Variants in DGKI observed in about 807,000 individuals in gnomAD.
DGKI encodes the protein diacylglycerol kinase iota, also known as DAG kinase iota.
Under a neutral mutation model 147.5 loss-of-function variants are expected in DGKI, and 55 were observed. The observed-to-expected ratio is 0.37, with a 90% CI of 0.30 to 0.47. DGKI has a LOEUF of 0.47. Ranked by LOEUF, DGKI falls within the 20% of genes least tolerant of loss-of-function variation. DGKI has a pLI of 1.00. For missense variants in DGKI, 1,007 were observed against 1,323.8 expected (o/e 0.76, Z 3.71); for synonymous variants, 469 against 477.1 (o/e 0.98, Z 0.22).
In DGKI at chr7:137,802,765, G is replaced by A. The variant is rs193121030; in HGVS notation, c.401+43697C>T. 8.5e-5 allele frequency among the ~76,000 whole-genome samples: 13 copies of A among 152,292 alleles called. No homozygotes were observed. In the East Asian group the frequency reaches 2.5e-3, roughly 29 times the overall value. ...CTCCTCGAACTTCTTCCCTTGCTGG[G>A]AAGCTGTTCATCTCTGAGTCAGAGA... On this transcript the variant is annotated intron_variant, in intron 1 of 32. Transcript: ENST00000614521.
chr7:137,846,455 C>A lies in DGKI; in HGVS notation c.401+7G>T, dbSNP rs770558874. 1.1e-5 allele frequency: 17 copies of A among 1,583,930 alleles called. No individual in the cohort carries two copies. Among genetic ancestry groups the A allele is most frequent in the African/African-American group, 2.7e-5 (2 of 73,366 alleles). Reference sequence around the variant, plus strand: ...ACCTGTCTCGGCTGCCGGCTCCCCGCACCTACCTGTACGAGACCTGCTTCC... The same window carrying A: ...ACCTGTCTCGGCTGCCGGCTCCCCGAACCTACCTGTACGAGACCTGCTTCC... On this transcript the variant is annotated splice_region_variant and intron_variant, in intron 1 of 32. Coordinates refer to ENST00000614521, the MANE Select transcript of DGKI (RefSeq NM_001321708.2). The surrounding 1 kb of genome is among the most constrained non-coding windows in gnomAD (Gnocchi z 4.0).
chr7:137,598,006 G>A (rs139303923), intron 11 of DGKI, 99 bp from the exon 12 acceptor site: 12 of 1,016,076 alleles, frequency 1.2e-5, no homozygotes, highest in Middle Eastern at 4.4e-4. Flanking sequence ...GGTGGTGTCC[G>A]CTGGAGAAAA....
At chr7:137,800,193 C>T (rs1797155003) in intron 1 of DGKI, among the ~76,000 whole-genome samples, 1 of 152,144 alleles carries the variant, frequency 6.6e-6, no homozygotes, top group Non-Finnish European at 1.5e-5. Flanking sequence ...CCTACTACAT[C>T]CTTAGAACAA....
At chr7:137,436,136 T>C (rs963307594) in intron 28 of DGKI, among the ~76,000 whole-genome samples, 1 of 152,168 alleles carries the variant, frequency 6.6e-6, no homozygotes, top group African/African-American at 2.4e-5. Flanking sequence ...ATTATCTTCC[T>C]ACTTGTGATA....
At position 137,540,780 on chromosome 7, in the gene DGKI, AAAAAAAAAC is replaced by A. The variant is rs1817669584; in HGVS notation, c.2147+11580_2147+11588del. On this transcript the variant is annotated intron_variant, in intron 20 of 32. Coordinates refer to ENST00000614521, the MANE Select transcript of DGKI (RefSeq NM_001321708.2). ...ACCCCCCCAAAAAAAAAAAAAAAAA[AAAAAAAAAC>A]ATTTACAATGGCTCCAAAAACATGA... Among the ~76,000 whole-genome samples, 121 of 150,910 alleles carry A rather than the reference AAAAAAAAAC, an allele frequency of 8.0e-4. 6 individuals carry two copies. The highest frequency in any genetic ancestry group is 6.9e-3 in the Middle Eastern group (2 of 290).
At chr7:137,519,068 CA>C in intron 21 of DGKI, among the ~76,000 whole-genome samples, 1 of 152,048 alleles carries the variant, frequency 6.6e-6, no homozygotes, top group Non-Finnish European at 1.5e-5. Context: ...TAGTGTCTTA[CA>C]TAAGTCTGAA....
chr7:137,696,431 CTTTTTTTTTTT>C lies in DGKI; in HGVS notation c.402-6440_402-6430del, dbSNP rs10609322. ...GTAAATAAATGCAATGCCCAAAAGA[CTTTTTTTTTTT>C]TTTTTTTTTTTTTTTTTTTTTGCTT... is the stretch of plus-strand genomic sequence containing the variant. On this transcript the variant is annotated intron_variant, in intron 1 of 32. Coordinates refer to ENST00000614521, the MANE Select transcript of DGKI (RefSeq NM_001321708.2). Among the ~76,000 whole-genome samples the C allele has an allele frequency of 6.0e-4, 22 of 36,698 alleles. 1 individual carries two copies. Among genetic ancestry groups the C allele is most frequent in the East Asian group, 3.3e-3 (3 of 914 alleles). The allele number at this position is 36,698 out of a possible 152,430, so 24.1% of individuals were successfully genotyped here.
intron 1 of DGKI, chr7:137,722,246 A>C (rs1444785902): frequency 1.2e-5 from 20 of 1,603,786 alleles, no homozygotes; most frequent in Non-Finnish European, 1.7e-5. Flanking sequence ...AAGAAGGAGA[A>C]GGTTCTTGCA....
chr7:137,648,479 T>C (rs756327260), intron 5 of DGKI, among the ~76,000 whole-genome samples: 15 of 152,192 alleles, frequency 9.9e-5, no homozygotes, highest in Non-Finnish European at 1.8e-4. Flanking sequence ...GTTCTAAGAT[T>C]CCCAGTGGGT....
rs564253019 is a variant in DGKI at position 137,438,045 on chromosome 7, C to T, written c.2761+6032G>A. Among the ~76,000 whole-genome samples, 21 of 152,008 alleles carry T rather than the reference C, an allele frequency of 1.4e-4. No individual in the cohort carries two copies. The South Asian group carries it at 3.9e-3, about 29-fold the overall frequency. On this transcript the variant is annotated intron_variant, in intron 28 of 32. Coordinates refer to ENST00000614521, the MANE Select transcript of DGKI (RefSeq NM_001321708.2). Reference sequence around the variant, plus strand: ...AGATTTCTTTAAAAAATACCAAAGGCATAAACCATAGAGAAAACATTAATG... The same window carrying T: ...AGATTTCTTTAAAAAATACCAAAGGTATAAACCATAGAGAAAACATTAATG...
At chr7:137,489,868 T>A (rs1815699865) in intron 21 of DGKI, among the ~76,000 whole-genome samples, 1 of 152,208 alleles carries the variant, frequency 6.6e-6, no homozygotes, top group Non-Finnish European at 1.5e-5. Context: ...TATCAGTGTT[T>A]GGAGTTAGTC....
chr7:137,606,465 C>T (rs553538237), intron 10 of DGKI, among the ~76,000 whole-genome samples: 2 of 152,258 alleles, frequency 1.3e-5, no homozygotes, highest in Admixed American at 6.5e-5. Flanking sequence ...CTATTTATCA[C>T]AGTAAGCCCC....
intron 21 of DGKI, among the ~76,000 whole-genome samples, chr7:137,502,316 T>C (rs1307265426): frequency 1.3e-5 from 2 of 152,080 alleles, no homozygotes; most frequent in Non-Finnish European, 2.9e-5. Context: ...CAGACTTCCA[T>C]TGCCTGCGAT....
intron 1 of DGKI, among the ~76,000 whole-genome samples, chr7:137,800,034 T>TA (rs1438439511): frequency 6.6e-6 from 1 of 152,132 alleles, no homozygotes; most frequent in Non-Finnish European, 1.5e-5. Context: ...GTGGCAGGGA[T>TA]AGGAGGCATG....
rs559537156 is a variant in DGKI at position 137,545,914 on chromosome 7, G to A, written c.2147+6455C>T. On this transcript the variant is annotated intron_variant, in intron 20 of 32. Transcript: ENST00000614521. ...ACTGTACTCACATGGTGAAGGAGCC[G>A]GGGGGAGCAGACACTCGCCGCAGGT... The A allele has an allele frequency of 3.9e-4, 272 of 701,838 alleles. 4 individuals carry two copies. The highest frequency in any genetic ancestry group is 3.6e-3 in the South Asian group (240 of 67,322). 43.5% of individuals were successfully genotyped at this position (701,838 alleles called of 1,614,324 possible).
At chr7:137,741,363 G>A (rs1387222876) in intron 1 of DGKI, among the ~76,000 whole-genome samples, 2 of 152,220 alleles carry the variant, frequency 1.3e-5, no homozygotes, top group African/African-American at 4.8e-5. Context: ...TGGAGAAAAT[G>A]CAGATGGACA....
chr7:137,757,932 TGA>T (rs1795738687), intron 1 of DGKI, among the ~76,000 whole-genome samples: 1 of 152,224 alleles, frequency 6.6e-6, no homozygotes, highest in Non-Finnish European at 1.5e-5. Context: ...TTTCCAACTT[TGA>T]GAGAGCTTGT....
chr7:137,521,701 C>G (rs1816966304), intron 21 of DGKI, among the ~76,000 whole-genome samples, 165 bp downstream of exon 21: 2 of 152,088 alleles, frequency 1.3e-5, no homozygotes, highest in African/African-American at 4.8e-5. Context: ...TTTTCTGTAG[C>G]CCATACATTA....
intron 1 of DGKI, among the ~76,000 whole-genome samples, chr7:137,804,554 G>C (rs180797693): frequency 1.4e-4 from 21 of 152,272 alleles, no homozygotes; most frequent in Admixed American, 1.3e-3. Flanking sequence ...CAGTTTTGAA[G>C]TCTTTGAAGA....
Sources: gnomAD v4.1 joint callset for allele counts (sites outside exome capture counted in the v4.1 genomes callset) on GRCh38, gnomAD v4.1.1 for gene constraint, Gnocchi (gnomAD v3.1) non-coding constraint, MANE v1.5 for transcripts, NCBI Gene and HGNC (gene_info 2026-07-23, HGNC 2026-07-21) for gene names.